The following CNTNAP4 variants were observed in gnomAD, a reference collection of about 807,000 sequenced individuals.
The protein encoded by CNTNAP4 is contactin associated protein family member 4.
In CNTNAP4, 98 loss-of-function variants were observed where a neutral mutation model predicts 148.4. The ratio of observed to expected loss-of-function variants is 0.66; its 90% CI spans 0.56 to 0.78. CNTNAP4 has a LOEUF of 0.78. Ranked by LOEUF, CNTNAP4 falls within the 30% of genes least tolerant of loss-of-function variation. The pLI, the probability that CNTNAP4 is intolerant of heterozygous loss-of-function variation, is 0.00. For synonymous variants in CNTNAP4, 730 were observed against 565.1 expected (o/e 1.29, Z -4.14); for missense variants, 1,935 against 1,565.6 (o/e 1.24, Z -3.98).
rs58239346 is a variant in CNTNAP4 at position 76,530,792 on chromosome 16, T to C, written c.2756-4753T>C. On this transcript the variant is annotated intron_variant, in intron 17 of 23. Transcript: ENST00000611870. ...ACTTTGCTTAATGAAGAACATTGCGTGACAAACTTAGAGCTGGGCCTCCAG... is the reference window on the plus strand; with the variant it reads ...ACTTTGCTTAATGAAGAACATTGCGCGACAAACTTAGAGCTGGGCCTCCAG... Among the ~76,000 whole-genome samples, 12 of 152,314 alleles carry C rather than the reference T, an allele frequency of 7.9e-5. No homozygotes were observed. In the East Asian group the frequency reaches 2.3e-3, roughly 29 times the overall value.
At chr16:76,501,117 C>G (rs1358772962) in intron 15 of CNTNAP4, among the ~76,000 whole-genome samples, 1 of 152,198 alleles carries the variant, frequency 6.6e-6, no homozygotes, top group Non-Finnish European at 1.5e-5. Context: ...CCATTATACT[C>G]ACCATCTCTG....
At chr16:76,496,628 C>G (rs929234018) in intron 14 of CNTNAP4, among the ~76,000 whole-genome samples, 2 of 152,068 alleles carry the variant, frequency 1.3e-5, no homozygotes, top group Non-Finnish European at 2.9e-5. Context: ...CAGGCTCCAC[C>G]TAATGAACTA....
intron 19 of CNTNAP4, among the ~76,000 whole-genome samples, 193 bp downstream of exon 19, chr16:76,538,533 C>A (rs1466478937): frequency 1.3e-5 from 2 of 151,826 alleles, no homozygotes; most frequent in Non-Finnish European, 2.9e-5. Context: ...TTAAGATGCC[C>A]TTATCTCTTT....
At chr16:76,501,821 A>G (rs1362689744) in intron 15 of CNTNAP4, among the ~76,000 whole-genome samples, 1 of 152,226 alleles carries the variant, frequency 6.6e-6, no homozygotes, top group Non-Finnish European at 1.5e-5. Context: ...CTGTAATCCC[A>G]GCACTTTGGG....
chr16:76,296,982 C>T (rs1959376043), intron 1 of CNTNAP4, among the ~76,000 whole-genome samples: 1 of 152,172 alleles, frequency 6.6e-6, no homozygotes, highest in South Asian at 2.1e-4. Context: ...TGCCCCTGGA[C>T]ATATCCAGCC....
At chr16:76,397,922 G>T (rs1228464137) in intron 3 of CNTNAP4, among the ~76,000 whole-genome samples, 1 of 81,100 alleles carries the variant, frequency 1.2e-5, no homozygotes, top group Admixed American at 1.5e-4. Flanking sequence ...TTCTCTAGAG[G>T]GACAGAACTA....
intron 15 of CNTNAP4, among the ~76,000 whole-genome samples, chr16:76,512,827 T>C (rs1210613633): frequency 1.3e-5 from 2 of 152,146 alleles, no homozygotes; most frequent in East Asian, 3.9e-4. Flanking sequence ...TATCCTGGAC[T>C]CCAAGTGAAG....
chr16:76,322,297 C>G (rs1472323841), intron 2 of CNTNAP4, among the ~76,000 whole-genome samples: 1 of 152,110 alleles, frequency 6.6e-6, no homozygotes, highest in South Asian at 2.1e-4. Context: ...AGGTGTACAG[C>G]TCTTGATATT....
At chr16:76,456,323 T>C (rs1437098372) in intron 8 of CNTNAP4, among the ~76,000 whole-genome samples, 2 of 152,234 alleles carry the variant, frequency 1.3e-5, no homozygotes, top group African/African-American at 4.8e-5. Context: ...GTAGACTAAA[T>C]GCTGTCACGA....
chr16:76,448,746 T>C lies in CNTNAP4; in HGVS notation c.743-21T>C, dbSNP rs1384009162. 3 of 1,553,220 alleles carry C rather than the reference T, an allele frequency of 1.9e-6. No homozygotes were observed. In the South Asian group the frequency reaches 3.7e-5, roughly 19 times the overall value. ...CTTTAGACTGGCAATAATGGTGCTG[T>C]TATTTTTCTCCTCTTCTAAGGTGAA... On this transcript the variant is annotated intron_variant, in intron 5 of 23. Transcript: ENST00000611870.
In CNTNAP4 at chr16:76,361,801, G is replaced by T. The variant is rs117350867; in HGVS notation, c.390+6290G>T. Among the ~76,000 whole-genome samples the T allele has an allele frequency of 4.2e-3, 634 of 152,204 alleles. 2 individuals carry two copies. Among genetic ancestry groups the T allele is most frequent in the Non-Finnish European group, 7.2e-3 (492 of 68,002 alleles). ...TCTACCAACTATGTACTAGGGTTCCGATTTCTCCAATTTCTTGTCACTGCT... is the reference window on the plus strand; with the variant it reads ...TCTACCAACTATGTACTAGGGTTCCTATTTCTCCAATTTCTTGTCACTGCT... On this transcript the variant is annotated intron_variant, in intron 3 of 23. Transcript: ENST00000611870.
At chr16:76,426,632 A>G (rs2079415508) in intron 3 of CNTNAP4, among the ~76,000 whole-genome samples, 1 of 152,170 alleles carries the variant, frequency 6.6e-6, no homozygotes, top group Non-Finnish European at 1.5e-5. Context: ...TAAGCTACCT[A>G]TTATGTCGAT....
intron 2 of CNTNAP4, among the ~76,000 whole-genome samples, chr16:76,324,422 A>G (rs1278373430): frequency 6.6e-6 from 1 of 152,158 alleles, no homozygotes; most frequent in African/African-American, 2.4e-5. Context: ...GTTCTCCTAG[A>G]AGCACACCTG....
At position 76,411,826 on chromosome 16, in the gene CNTNAP4, C is replaced by G. The variant is rs201183334; in HGVS notation, c.391-15626C>G. Among the ~76,000 whole-genome samples the G allele has an allele frequency of 5.9e-5, 9 of 151,406 alleles. No homozygotes were observed. In the East Asian group the frequency reaches 1.7e-3, roughly 29 times the overall value. On this transcript the variant is annotated intron_variant, in intron 3 of 23. Transcript: ENST00000611870. ...TAACTTTTTATAATGAAAGACAATA[C>G]ACATTCAGAAAAAGACAAAAAGCAT...
chr16:76,346,778 C>T (rs1964937146), intron 2 of CNTNAP4, among the ~76,000 whole-genome samples: 1 of 152,100 alleles, frequency 6.6e-6, no homozygotes, highest in African/African-American at 2.4e-5. Context: ...GGAAACTTGG[C>T]TGTCATAAAA....
At chr16:76,316,604 T>C in intron 2 of CNTNAP4, 81 bp downstream of exon 2, 1 of 876,766 alleles carries the variant, frequency 1.1e-6, no homozygotes, top group South Asian at 1.4e-5. Context: ...TCATTATGAA[T>C]GATACATGGT....
chr16:76,545,653 A>G (rs2084686656), intron 21 of CNTNAP4, among the ~76,000 whole-genome samples: 3 of 152,222 alleles, frequency 2.0e-5, no homozygotes, highest in African/African-American at 7.2e-5. Context: ...AGGTGCCTCA[A>G]ATCTACAAAC....
chr16:76,390,888 A>C (rs545559997), intron 3 of CNTNAP4, among the ~76,000 whole-genome samples: 4 of 152,102 alleles, frequency 2.6e-5, no homozygotes, highest in South Asian at 4.2e-4. Flanking sequence ...TTGTGGGTAC[A>C]TAATTGGTGT....
intron 23 of CNTNAP4, among the ~76,000 whole-genome samples, chr16:76,556,120 A>G (rs2085187429): frequency 6.6e-6 from 1 of 152,106 alleles, no homozygotes; most frequent in African/African-American, 2.4e-5. Flanking sequence ...TACATCTTAG[A>G]TGATTTTTTT....
Sources: allele counts gnomAD v4.1 joint callset (sites outside exome capture counted in the v4.1 genomes callset), GRCh38; gene constraint gnomAD v4.1.1; transcripts MANE v1.5; gene names NCBI Gene and HGNC (gene_info 2026-07-23, HGNC 2026-07-21).